CACNA1B: variants seen among roughly 807,000 people sequenced by gnomAD.
The protein encoded by CACNA1B is voltage-dependent N-type calcium channel subunit alpha-1B.
Under a neutral mutation model 247.2 loss-of-function variants are expected in CACNA1B, and 70 were observed. That is an observed-to-expected ratio of 0.28 (90% CI 0.23 to 0.35). The LOEUF (loss-of-function observed/expected upper bound fraction) is 0.35, where lower values mean the gene tolerates loss of function less well. CACNA1B is among the 10% of genes least tolerant of loss of function. The pLI is 1.00. For synonymous variants in CACNA1B, 1,231 were observed against 1,294.4 expected (o/e 0.95, Z 1.05); for missense variants, 2,367 against 3,197.4 (o/e 0.74, Z 6.26).
At chr9:138,016,321 C>G (rs555587049) in intron 18 of CACNA1B, among the ~76,000 whole-genome samples, 1 of 152,350 alleles carries the variant, frequency 6.6e-6, no homozygotes, top group East Asian at 1.9e-4. Context: ...ACCTGGCCCT[C>G]CCCTGGGAAG....
At position 138,058,138 on chromosome 9, in the gene CACNA1B, A is replaced by T. The variant is rs1473814726; in HGVS notation, c.4196A>T (p.Tyr1399Phe). The T allele has an allele frequency of 8.7e-6, 14 of 1,613,700 alleles. No individual in the cohort carries two copies. Among genetic ancestry groups the T allele is most frequent in the Non-Finnish European group, 1.2e-5 (14 of 1,179,726 alleles). Reference sequence around the variant, plus strand: ...GAGCTGTCCATCTTCTACGTGGTCTACTTTGTGGTCTTTCCCTTCTTCTTC... The same window carrying T: ...GAGCTGTCCATCTTCTACGTGGTCTTCTTTGTGGTCTTTCCCTTCTTCTTC... ...RMELSIFYVV[Y>F]FVVFPFFFVN... Residue 1399 changes from tyrosine to phenylalanine, a missense_variant, in exon 28 of 47, where the codon TAC becomes TTC. This residue lies in a region of CACNA1B where 436 missense variants were observed against 679.5 expected (regional missense o/e 0.64). Transcript: ENST00000371372. This position sits in a 1 kb window ranked among gnomAD's most constrained non-coding sequence, Gnocchi z 4.7.
chr9:138,048,320 G>T (rs573931305), intron 23 of CACNA1B, among the ~76,000 whole-genome samples: 11 of 152,212 alleles, frequency 7.2e-5, no homozygotes, highest in Non-Finnish European at 1.6e-4. Context: ...GAGCTTGCCT[G>T]CAGGGGATCT....
intron 3 of CACNA1B, among the ~76,000 whole-genome samples, chr9:137,898,147 C>T (rs1381821481): frequency 6.6e-6 from 1 of 152,230 alleles, no homozygotes; most frequent in East Asian, 1.9e-4. Flanking sequence ...TGTGCAACTG[C>T]CTTCTGACCT....
At position 137,990,388 on chromosome 9, in the gene CACNA1B, A is replaced by ATC. The variant is rs1958418388; in HGVS notation, c.1974+3534_1974+3535insTC. Among the ~76,000 whole-genome samples, 1 of 151,874 alleles carries ATC rather than the reference A, an allele frequency of 6.6e-6. No homozygotes were observed. Among genetic ancestry groups the ATC allele is most frequent in the Non-Finnish European group, 1.5e-5 (1 of 67,968 alleles). ...CTACCCACCCTGATGGCCGAAGACA[A>ATC]AGGTTATAATCTCCTGGGGGCTCTG... On this transcript the variant is annotated intron_variant, in intron 15 of 46. Coordinates refer to ENST00000371372, the MANE Select transcript of CACNA1B (RefSeq NM_000718.4). The surrounding 1 kb of genome is among the most constrained non-coding windows in gnomAD (Gnocchi z 4.5).
chr9:138,013,449 A>G (rs1958751836), intron 18 of CACNA1B, among the ~76,000 whole-genome samples: 1 of 152,118 alleles, frequency 6.6e-6, no homozygotes, highest in Non-Finnish European at 1.5e-5. Flanking sequence ...GGCCAGGCAC[A>G]GCCCTCACAT....
chr9:138,017,004 C>A, intron 18 of CACNA1B: 2 of 417,172 alleles, frequency 4.8e-6, no homozygotes, highest in South Asian at 3.4e-5. Flanking sequence ...GTCTGACGGA[C>A]GCGTCTGCGG....
chr9:138,047,946 C>T (rs1301028486), intron 23 of CACNA1B, among the ~76,000 whole-genome samples: 1 of 152,128 alleles, frequency 6.6e-6, no homozygotes, highest in Non-Finnish European at 1.5e-5. Flanking sequence ...AGTGTTGACA[C>T]GAGGTCCCCC....
chr9:137,967,536 T>C (rs1958094153), intron 10 of CACNA1B, among the ~76,000 whole-genome samples: 1 of 152,192 alleles, frequency 6.6e-6, no homozygotes, highest in Non-Finnish European at 1.5e-5. Flanking sequence ...CAGGACTGTC[T>C]CCTCCGTTTT....
intron 6 of CACNA1B, among the ~76,000 whole-genome samples, chr9:137,928,436 T>G (rs1274833109): frequency 2.0e-5 from 3 of 152,152 alleles, no homozygotes; most frequent in African/African-American, 7.2e-5. Context: ...TGTCTGGTTT[T>G]GGTATCAAGG....
chr9:137,897,186 G>A (rs192962074), intron 3 of CACNA1B, among the ~76,000 whole-genome samples: 31 of 151,938 alleles, frequency 2.0e-4, no homozygotes, highest in Non-Finnish European at 2.2e-4. Context: ...TGTTTGATTT[G>A]AGTTTATTTT....
chr9:138,061,597 C>T (rs561838232), intron 31 of CACNA1B, among the ~76,000 whole-genome samples: 1 of 152,058 alleles, frequency 6.6e-6, no homozygotes, highest in African/African-American at 2.4e-5. Flanking sequence ...TCCAGTGGAC[C>T]CCGCGGTCAC....
At chr9:138,097,121 C>T (rs372195276) in intron 37 of CACNA1B, among the ~76,000 whole-genome samples, 25 of 151,998 alleles carry the variant, frequency 1.6e-4, no homozygotes, top group African/African-American at 4.8e-4. Context: ...CCAACATGCA[C>T]CTCTGTGTCC....
intron 20 of CACNA1B, chr9:138,040,704 C>T: frequency 4.6e-6 from 1 of 216,828 alleles, no homozygotes; most frequent in Non-Finnish European, 1.0e-5. Context: ...TCACATTTGT[C>T]TGGTTGACAT....
intron 3 of CACNA1B, among the ~76,000 whole-genome samples, chr9:137,900,673 T>G (rs1249051170): frequency 3.3e-5 from 5 of 150,330 alleles, no homozygotes; most frequent in Admixed American, 3.3e-4. Flanking sequence ...TGTGTTTGTG[T>G]ATGTGTGTCT....
chr9:138,110,670 T>G (rs1417927506), intron 39 of CACNA1B, among the ~76,000 whole-genome samples: 1 of 152,178 alleles, frequency 6.6e-6, no homozygotes, highest in African/African-American at 2.4e-5. Flanking sequence ...TGTTCGAGGT[T>G]CCAGTGAGCT....
intron 20 of CACNA1B, among the ~76,000 whole-genome samples, chr9:138,028,017 C>T (rs576528150): frequency 1.3e-5 from 2 of 150,576 alleles, no homozygotes; most frequent in African/African-American, 2.4e-5. Context: ...TCCACTCCCC[C>T]CCAACCTTTT....
intron 9 of CACNA1B, 23 bp downstream of exon 9, chr9:137,956,850 C>G: frequency 1.9e-6 from 3 of 1,605,656 alleles, no homozygotes; most frequent in Non-Finnish European, 2.6e-6. Context: ...TGCTGGTACT[C>G]CTGTGTGGTG....
intron 6 of CACNA1B, among the ~76,000 whole-genome samples, chr9:137,942,853 T>C (rs1283617066): frequency 6.6e-6 from 1 of 152,152 alleles, no homozygotes; most frequent in Admixed American, 6.5e-5. Flanking sequence ...GACTACAAAT[T>C]GTGTGCAGCA....
intron 18 of CACNA1B, chr9:138,017,235 C>T (rs749151144): frequency 1.9e-6 from 1 of 518,458 alleles, no homozygotes; most frequent in Non-Finnish European, 3.9e-6. Flanking sequence ...CCATCCATGG[C>T]TTCATGATAA....
Sources: gnomAD v4.1 joint callset for allele counts (sites outside exome capture counted in the v4.1 genomes callset) on GRCh38, gnomAD v4.1.1 for gene constraint, gnomAD v4.1.1 regional missense constraint, Gnocchi (gnomAD v3.1) non-coding constraint, MANE v1.5 for transcripts, NCBI Gene and HGNC (gene_info 2026-07-23, HGNC 2026-07-21) for gene names.